SORCS2: variants seen among roughly 807,000 people sequenced by gnomAD.
SORCS2 encodes the protein VPS10 domain-containing receptor SorCS2.
A neutral mutation model predicts 141.6 loss-of-function variants in SORCS2; 100 were observed. The observed-to-expected ratio is 0.71, with a 90% confidence interval of 0.60 to 0.83. The LOEUF is 0.83. Among genes scored for constraint, SORCS2 ranks in the 40% least tolerant of loss-of-function variants. The pLI is 0.00. For missense variants in SORCS2, 1,646 were observed against 1,560.2 expected (o/e 1.05, Z -0.93); for synonymous variants, 789 against 676.9 (o/e 1.17, Z -2.57).
chr4:7,670,823 G>C (rs147300725), intron 8 of SORCS2, among the ~76,000 whole-genome samples: 1 of 152,126 alleles, frequency 6.6e-6, no homozygotes, highest in South Asian at 2.1e-4. Context: ...GGAGGGTGCA[G>C]GGGTGCCATA....
intron 18 of SORCS2, among the ~76,000 whole-genome samples, chr4:7,720,262 G>A (rs919096278): frequency 5.9e-5 from 9 of 152,146 alleles, no homozygotes; most frequent in African/African-American, 1.4e-4. Context: ...AAATATGGCC[G>A]AGGGATGTTT....
At chr4:7,455,303 C>G (rs1286602793) in intron 2 of SORCS2, among the ~76,000 whole-genome samples, 2 of 37,504 alleles carry the variant, frequency 5.3e-5, no homozygotes, top group African/African-American at 1.2e-4. Flanking sequence ...GGGTCAGGCA[C>G]TGTGTTGGGG....
intron 2 of SORCS2, among the ~76,000 whole-genome samples, chr4:7,503,461 G>A (rs1375722803): frequency 1.3e-5 from 2 of 151,950 alleles, no homozygotes; most frequent in East Asian, 3.9e-4. Context: ...GAGACATAGA[G>A]AGACAGAGAC....
intron 3 of SORCS2, among the ~76,000 whole-genome samples, chr4:7,567,243 C>A (rs574902263): frequency 6.6e-6 from 1 of 152,102 alleles, no homozygotes; most frequent in East Asian, 1.9e-4. Context: ...AATATGGATG[C>A]GTTAATGTTA....
At chr4:7,555,322 T>A (rs1323457431) in intron 3 of SORCS2, among the ~76,000 whole-genome samples, 2 of 152,236 alleles carry the variant, frequency 1.3e-5, no homozygotes, top group Non-Finnish European at 2.9e-5. Context: ...GCAGGCAGCA[T>A]CCTGAGGGCA....
chr4:7,372,055 T>A (rs1372564052), intron 1 of SORCS2, among the ~76,000 whole-genome samples: 1 of 151,980 alleles, frequency 6.6e-6, no homozygotes. Flanking sequence ...GGTGAACAAG[T>A]GGGTCTTGGG....
chr4:7,654,565 A>T (rs1461239182), intron 5 of SORCS2, among the ~76,000 whole-genome samples: 1 of 152,014 alleles, frequency 6.6e-6, no homozygotes, highest in Non-Finnish European at 1.5e-5. Context: ...GCTGATGTAC[A>T]CATGTCCCCA....
intron 4 of SORCS2, among the ~76,000 whole-genome samples, chr4:7,642,341 A>G (rs1720806324): frequency 6.6e-6 from 1 of 152,264 alleles, no homozygotes; most frequent in East Asian, 1.9e-4. Flanking sequence ...ACGGAGACTT[A>G]TTTTCCCGCA....
At chr4:7,637,811 G>T (rs545415426) in intron 3 of SORCS2, among the ~76,000 whole-genome samples, 1 of 152,018 alleles carries the variant, frequency 6.6e-6, no homozygotes, top group African/African-American at 2.4e-5. Context: ...ACCCCTCCCT[G>T]GTGTAAGGAG....
chr4:7,653,239 C>G (rs887817961), intron 4 of SORCS2, among the ~76,000 whole-genome samples: 2 of 152,212 alleles, frequency 1.3e-5, no homozygotes, highest in Admixed American at 6.5e-5. Flanking sequence ...AAAGCTCCAA[C>G]TAAAGACACA....
At chr4:7,214,246 A>T (rs1055775341) in intron 1 of SORCS2, among the ~76,000 whole-genome samples, 8 of 152,140 alleles carry the variant, frequency 5.3e-5, no homozygotes, top group African/African-American at 1.9e-4. Flanking sequence ...ACCTTGAAGA[A>T]GTGATTAGGT....
chr4:7,681,720 T>C (rs754492825), intron 9 of SORCS2, among the ~76,000 whole-genome samples: 5 of 152,232 alleles, frequency 3.3e-5, no homozygotes, highest in Admixed American at 1.3e-4. Context: ...AAGGACCTGC[T>C]GGAGTTGTGA....
At chr4:7,630,286 G>C (rs527438665) in intron 3 of SORCS2, among the ~76,000 whole-genome samples, 3 of 152,186 alleles carry the variant, frequency 2.0e-5, no homozygotes, top group African/African-American at 7.2e-5. Context: ...GCACCTGGGA[G>C]ACCCTAAAGG....
In SORCS2 at chr4:7,523,039, C is replaced by CTCCTCCCTCCT. The variant is rs1299237175; in HGVS notation, c.549-8483_549-8473dup. Among the ~76,000 whole-genome samples, 15 of 149,870 alleles carry CTCCTCCCTCCT rather than the reference C, an allele frequency of 1.0e-4. No individual in the cohort carries two copies. The South Asian group carries it at 2.8e-3, about 28-fold the overall frequency. ...TTGTCACTCCCTCCCTCTTCCCTCC[C>CTCCTCCCTCCT]TCCTCCCTCCTTCCTCCCCTTCTCT... On this transcript the variant is annotated intron_variant, in intron 2 of 26. Transcript: ENST00000507866.
chr4:7,285,576 G>T (rs1716161835), intron 1 of SORCS2, among the ~76,000 whole-genome samples: 2 of 152,226 alleles, frequency 1.3e-5, no homozygotes, highest in Non-Finnish European at 2.9e-5. Context: ...GCCAGCCAAG[G>T]CGCGAGCCCC....
intron 2 of SORCS2, among the ~76,000 whole-genome samples, chr4:7,426,664 G>C (rs62277595): frequency 6.6e-6 from 1 of 152,144 alleles, no homozygotes; most frequent in Non-Finnish European, 1.5e-5. Context: ...TGTGCTCGAT[G>C]CGGTCACCTC....
At chr4:7,308,797 C>A (rs1360026902) in intron 1 of SORCS2, among the ~76,000 whole-genome samples, 3 of 152,088 alleles carry the variant, frequency 2.0e-5, no homozygotes, top group Non-Finnish European at 4.4e-5. Flanking sequence ...AGCACCCTGT[C>A]TTCTCTCTCC....
intron 2 of SORCS2, chr4:7,434,498 T>C: frequency 6.2e-7 from 1 of 1,612,354 alleles, no homozygotes; most frequent in Non-Finnish European, 8.5e-7. Context: ...GCCGGGGCAC[T>C]GTCCGGGGCC....
Position 7,192,828 on chromosome 4 carries a change from A to G in SORCS2, c.182A>G (p.His61Arg), listed in dbSNP as rs2108841892. ...CCTGAGCCCGGGCGCCTGGGTCCTC[A>G]CGCCCAACTGACCCGGGTGCCGCGG... is the stretch of plus-strand genomic sequence containing the variant. ...RSPEPGRLGPHAQLTRVPRSP... is the reference protein window; with the variant it reads ...RSPEPGRLGPRAQLTRVPRSP... The change falls in exon 1 of 27, where the codon CAC (histidine) becomes CGC (arginine). Residue 61 changes from histidine to arginine, a missense_variant. His to Arg is a conservative substitution (Grantham distance 29). Coordinates refer to ENST00000507866, the MANE Select transcript of SORCS2 (RefSeq NM_020777.3). The surrounding 1 kb of genome is among the most constrained non-coding windows in gnomAD (Gnocchi z 4.0). The G allele has an allele frequency of 2.9e-6, 3 of 1,035,224 alleles. No individual in the cohort carries two copies. Among genetic ancestry groups the G allele is most frequent in the Admixed American group, 1.1e-4 (2 of 17,666 alleles). 64.1% of individuals were successfully genotyped at this position (1,035,224 alleles called of 1,614,324 possible). A position where few individuals can be genotyped will look rare whatever the true frequency, so the allele number is the denominator to read the frequency against.
Sources: allele counts gnomAD v4.1 joint callset (sites outside exome capture counted in the v4.1 genomes callset), GRCh38; gene constraint gnomAD v4.1.1; non-coding constraint Gnocchi (gnomAD v3.1); transcripts MANE v1.5; gene names NCBI Gene and HGNC (gene_info 2026-07-23, HGNC 2026-07-21).